Variants in PLXNA4 observed in about 807,000 individuals in gnomAD.
The protein encoded by PLXNA4 is plexin-A4.
In PLXNA4, 44 loss-of-function variants were observed where a neutral mutation model predicts 191.8. The observed-to-expected ratio is 0.23, with a 90% confidence interval of 0.18 to 0.29. The LOEUF (loss-of-function observed/expected upper bound fraction) is 0.29, where lower values mean the gene tolerates loss of function less well. PLXNA4 is among the 10% of genes least tolerant of loss of function. The probability of loss-of-function intolerance (pLI) is 1.00; values close to 1 mark genes in which losing one functional copy is unlikely to be tolerated. For synonymous variants in PLXNA4, 1,082 were observed against 1,009.5 expected (o/e 1.07, Z -1.36); for missense variants, 1,800 against 2,488.8 (o/e 0.72, Z 5.89).
intron 2 of PLXNA4, among the ~76,000 whole-genome samples, chr7:132,610,935 T>C (rs1020047707): frequency 2.0e-5 from 3 of 152,178 alleles, no homozygotes; most frequent in Non-Finnish European, 4.4e-5. Context: ...CAGTTCCTTG[T>C]CTGTCCCCAC....
chr7:132,165,205 C>A lies in PLXNA4; in HGVS notation c.4287-5G>T. 4 of 1,612,114 alleles carry A rather than the reference C, an allele frequency of 2.5e-6. No individual in the cohort carries two copies. Among genetic ancestry groups the A allele is most frequent in the Non-Finnish European group, 3.4e-6 (4 of 1,178,782 alleles). On this transcript the variant is annotated splice_region_variant and splice_polypyrimidine_tract_variant and intron_variant, in intron 22 of 31. Transcript: ENST00000321063. The stretch of plus-strand genomic sequence containing the variant: ...TTCTCAGCCACTGACTCAGTCCTGT[C>A]AGCAGTCACCGAGGGAACCAACGGA...
At chr7:132,401,710 G>A (rs1373874851) in intron 3 of PLXNA4, among the ~76,000 whole-genome samples, 1 of 152,180 alleles carries the variant, frequency 6.6e-6, no homozygotes, top group African/African-American at 2.4e-5. Flanking sequence ...TACTGGGGAG[G>A]AGGGGAAGAA....
At chr7:132,444,927 G>A (rs2117266809) in intron 3 of PLXNA4, among the ~76,000 whole-genome samples, 1 of 151,994 alleles carries the variant, frequency 6.6e-6, no homozygotes, top group South Asian at 2.1e-4. Context: ...ACTTTGGGAG[G>A]CCGAGGCGGG....
intron 3 of PLXNA4, 91 bp downstream of exon 3, chr7:132,489,200 GC>G: frequency 7.4e-7 from 1 of 1,359,182 alleles, no homozygotes. Context: ...CTGCCCACAC[GC>G]CCAAGTTAGC....
chr7:132,271,105 C>T lies in PLXNA4; in HGVS notation c.1503+26986G>A, dbSNP rs114635137. 346 of 152,246 alleles carry T rather than the reference C, an allele frequency of 2.3e-3. 1 individual carries two copies. The highest frequency in any genetic ancestry group is 7.9e-3 in the African/African-American group (330 of 41,556). 9.4% of individuals were successfully genotyped at this position (152,246 alleles called of 1,614,324 possible). Reference sequence around the variant, plus strand: ...CTGTGTGACCATTCAGCTCTTTTCCCCCCACAGCAACAATAATATTGACCA... The same window carrying T: ...CTGTGTGACCATTCAGCTCTTTTCCTCCCACAGCAACAATAATATTGACCA... On this transcript the variant is annotated intron_variant, in intron 4 of 31. Coordinates refer to ENST00000321063, the MANE Select transcript of PLXNA4 (RefSeq NM_020911.2).
intron 1 of PLXNA4, among the ~76,000 whole-genome samples, chr7:132,524,868 G>A (rs1331955793): frequency 6.6e-6 from 1 of 152,032 alleles, no homozygotes; most frequent in Non-Finnish European, 1.5e-5. Context: ...TGCCTGGCAA[G>A]ACTTTTTTCA....
rs191806217 is a variant in PLXNA4 at position 132,357,828 on chromosome 7, G to A, written c.1372-59606C>T. ...GCATTGTGTTTTTATAGATTTGTGC[G>A]TACACCTGGTGGTCTTAGAACTCCA... On this transcript the variant is annotated intron_variant, in intron 3 of 31. Transcript: ENST00000321063. Among the ~76,000 whole-genome samples, 314 of 152,240 alleles carry A rather than the reference G, an allele frequency of 2.1e-3. 2 individuals carry two copies. Among genetic ancestry groups the A allele is most frequent in the Non-Finnish European group, 2.9e-3 (197 of 68,028 alleles).
intron 3 of PLXNA4, among the ~76,000 whole-genome samples, chr7:132,325,418 C>T (rs115375568): frequency 1.2e-3 from 178 of 152,326 alleles, no homozygotes; most frequent in African/African-American, 4.1e-3. Flanking sequence ...ACTGTGTCCC[C>T]TGAATAGATA....
At chr7:132,136,532 G>A (rs1213037373) in intron 30 of PLXNA4, among the ~76,000 whole-genome samples, 1 of 152,136 alleles carries the variant, frequency 6.6e-6, no homozygotes, top group African/African-American at 2.4e-5. Flanking sequence ...GCACCCCTGA[G>A]GTCCTGACAT....
chr7:132,426,373 T>C (rs537674425), intron 3 of PLXNA4, among the ~76,000 whole-genome samples: 21 of 152,292 alleles, frequency 1.4e-4, no homozygotes, highest in Non-Finnish European at 1.9e-4. Flanking sequence ...CAGGACAGTA[T>C]AGATGTATTG....
chr7:132,636,256 G>A (rs1014140610), intron 2 of PLXNA4, among the ~76,000 whole-genome samples: 1 of 152,208 alleles, frequency 6.6e-6, no homozygotes, highest in African/African-American at 2.4e-5. Context: ...AGGCTTCTGG[G>A]AGTGCAGGGG....
At chr7:132,635,019 T>G (rs1803569110) in intron 2 of PLXNA4, among the ~76,000 whole-genome samples, 1 of 152,020 alleles carries the variant, frequency 6.6e-6, no homozygotes, top group African/African-American at 2.4e-5. Context: ...GCCTACATCT[T>G]TCTCCTGTGC....
At chr7:132,381,686 G>C (rs1037427608) in intron 3 of PLXNA4, among the ~76,000 whole-genome samples, 5 of 152,210 alleles carry the variant, frequency 3.3e-5, no homozygotes, top group African/African-American at 1.2e-4. Flanking sequence ...CACACATTTG[G>C]GATGAATGCG....
intron 13 of PLXNA4, among the ~76,000 whole-genome samples, chr7:132,198,218 C>G (rs1041785363): frequency 6.6e-6 from 1 of 152,176 alleles, no homozygotes; most frequent in African/African-American, 2.4e-5. Flanking sequence ...CCCCTCCATG[C>G]GGCCTTATGC....
chr7:132,278,021 A>G (rs1395332607), intron 4 of PLXNA4, among the ~76,000 whole-genome samples: 1 of 152,232 alleles, frequency 6.6e-6, no homozygotes, highest in African/African-American at 2.4e-5. Context: ...ATTGAGTTAA[A>G]ATGATGTCAA....
intron 1 of PLXNA4, among the ~76,000 whole-genome samples, chr7:132,555,320 C>A (rs188480997): frequency 6.6e-6 from 1 of 152,226 alleles, no homozygotes; most frequent in East Asian, 1.9e-4. Flanking sequence ...GCAATGGGAC[C>A]AGCCACCTGC....
chr7:132,297,268 C>T (rs1329074904), intron 4 of PLXNA4, among the ~76,000 whole-genome samples: 1 of 152,174 alleles, frequency 6.6e-6, no homozygotes, highest in Non-Finnish European at 1.5e-5. Context: ...ATGACCCATC[C>T]TCCACAGAGG....
In PLXNA4 at chr7:132,133,308, G is replaced by A. The variant is rs1265717494; in HGVS notation, c.5439-109C>T. ...GGCCATGAGCTCAGCTTGCACTGCA[G>A]GTAGTGGGTACTTGTGCTGTGGCCA... On this transcript the variant is annotated intron_variant, in intron 30 of 31. Transcript: ENST00000321063. 7.2e-6 allele frequency: 11 copies of A among 1,518,962 alleles called. No individual in the cohort carries two copies. The Admixed American group carries it at 2.1e-4, about 29-fold the overall frequency. 94.1% of individuals were successfully genotyped at this position (1,518,962 alleles called of 1,614,324 possible).
intron 13 of PLXNA4, among the ~76,000 whole-genome samples, chr7:132,197,929 A>C (rs2116841155): frequency 6.6e-6 from 1 of 152,322 alleles, no homozygotes; most frequent in East Asian, 1.9e-4. Context: ...AATGGTGCTT[A>C]CTTATTTACA....
Sources: gnomAD v4.1 joint callset for allele counts (sites outside exome capture counted in the v4.1 genomes callset) on GRCh38, gnomAD v4.1.1 for gene constraint, MANE v1.5 for transcripts, NCBI Gene and HGNC (gene_info 2026-07-23, HGNC 2026-07-21) for gene names.